Variants in KLHL35 observed in about 807,000 individuals in gnomAD.
KLHL35 encodes kelch like family member 35.
In KLHL35, 50 loss-of-function variants were observed where a neutral mutation model predicts 44.0. That is an observed-to-expected ratio of 1.14 (90% CI 0.91 to 1.44). The LOEUF (loss-of-function observed/expected upper bound fraction) is 1.44. Ranked by LOEUF, KLHL35 falls within the 40% of genes most tolerant of loss-of-function variation. The pLI, the probability that KLHL35 is intolerant of heterozygous loss-of-function variation, is 0.00. For missense variants in KLHL35, 1,049 were observed against 887.8 expected (o/e 1.18, Z -2.31); for synonymous variants, 470 against 410.4 (o/e 1.15, Z -1.76).
chr11:75,422,764 C>A lies in KLHL35; in HGVS notation c.1568G>T (p.Ser523Ile). Residue 523 changes from serine to isoleucine, a missense_variant, in exon 7 of 7, where the codon AGC becomes ATC. Physicochemically the swap from Ser to Ile is moderately radical, Grantham distance 142. Transcript: ENST00000539798. ...EAAVLPSPVE[S>I]CGVTVCDGKV... is the part of the protein sequence containing the mutation. Reference sequence around the variant, plus strand: ...CCCGTCACACACAGTGACTCCACAGCTTTCCTGGGTGGACAAACAGAAAGA... The same window carrying A: ...CCCGTCACACACAGTGACTCCACAGATTTCCTGGGTGGACAAACAGAAAGA... The A allele has an allele frequency of 6.2e-7, 1 of 1,609,782 alleles. No homozygotes were observed. The highest frequency in any genetic ancestry group is 1.1e-5 in the South Asian group (1 of 91,042).
chr11:75,425,712 A>C, intron 4 of KLHL35, 131 bp from the exon 5 acceptor site: 2 of 826,852 alleles, frequency 2.4e-6, no homozygotes, highest in South Asian at 2.7e-5. Flanking sequence ...GACCAAACTG[A>C]CCCCCGAGCC....
At position 75,430,310 on chromosome 11, in the gene KLHL35, A is replaced by G. The variant is rs2135085132; in HGVS notation, c.320T>C (p.Leu107Pro). The G allele has an allele frequency of 1.6e-6, 2 of 1,249,172 alleles. No homozygotes were observed. Among genetic ancestry groups the G allele is most frequent in the Non-Finnish European group, 1.0e-6 (1 of 997,920 alleles). The allele number at this position is 1,249,172 out of a possible 1,614,324, so 77.4% of individuals were successfully genotyped here. The change falls in exon 2 of 7, where the codon CTC becomes CCC. Residue 107 changes from leucine (L) to proline (P), a missense_variant. Transcript: ENST00000539798. Reference sequence around the variant, plus strand: ...CACGCCCGCTCCGTACACGTAGTCGAGCACCACGGCCAGCGCCGCCGCCGC... The same window carrying G: ...CACGCCCGCTCCGTACACGTAGTCGGGCACCACGGCCAGCGCCGCCGCCGC... ...AGAAAALAVV[L>P]DYVYGAGVRL...
chr11:75,430,527 G>T lies in KLHL35; in HGVS notation c.103C>A (p.Arg35=), dbSNP rs769642270. ...ACGTCGGTGAGGGTGCCGCTCCGCC[G>T]GTAGGCGTTCAGGGCCTGCAGCACG... The part of the protein sequence containing the change: ...QRVLQALNAY[R]RSGTLTDVVL... The change falls in exon 2 of 7, where the codon CGG becomes AGG. Residue 35 remains arginine (R), a synonymous_variant. Coordinates refer to ENST00000539798, the MANE Select transcript of KLHL35 (RefSeq NM_001039548.3). 1.4e-6 allele frequency: 2 copies of T among 1,450,572 alleles called. No homozygotes were observed. Among genetic ancestry groups the T allele is most frequent in the African/African-American group, 1.5e-5 (1 of 67,558 alleles). The allele number at this position is 1,450,572 out of a possible 1,614,324, so 89.9% of individuals were successfully genotyped here.
At chr11:75,430,903 C>T (rs1347634927) in intron 1 of KLHL35, among the ~76,000 whole-genome samples, 1 of 152,178 alleles carries the variant, frequency 6.6e-6, no homozygotes, top group East Asian at 1.9e-4. Context: ...ACAGATGGCA[C>T]GCTCTCAAAC....
At position 75,430,315 on chromosome 11, in the gene KLHL35, C is replaced by G; in HGVS notation, c.315G>C (p.Val105=). 1 of 1,255,390 alleles carries G rather than the reference C, an allele frequency of 8.0e-7. No homozygotes were observed. Among genetic ancestry groups the G allele is most frequent in the Non-Finnish European group, 1.0e-6 (1 of 1,000,752 alleles). 77.8% of individuals were successfully genotyped at this position (1,255,390 alleles called of 1,614,324 possible). Residue 105 remains valine, a synonymous_variant, in exon 2 of 7, where the codon GTG becomes GTC. Coordinates refer to ENST00000539798, the MANE Select transcript of KLHL35 (RefSeq NM_001039548.3). The stretch of plus-strand genomic sequence containing the variant: ...CCGCTCCGTACACGTAGTCGAGCAC[C>G]ACGGCCAGCGCCGCCGCCGCCCCGG... ...SPAGAAAALA[V]VLDYVYGAGV...
Position 75,429,765 on chromosome 11 carries a change from G to A in KLHL35, c.865C>T (p.Arg289Trp), listed in dbSNP as rs1041790813. Residue 289 changes from arginine to tryptophan, a missense_variant, in exon 2 of 7, where the codon CGG becomes TGG. Transcript: ENST00000539798. ...CGGCCCTACCTCCGCGGCCGGGTCC[G>A]CAGCGCACCGGCCTCGCGGCCCAGG... is the stretch of plus-strand genomic sequence containing the variant. ...FILGREAGAL[R>W]TRPRRFMDLA... is the part of the protein sequence containing the mutation. 3.4e-6 allele frequency: 5 copies of A among 1,485,716 alleles called. No homozygotes were observed. The African/African-American group carries it at 5.8e-5, about 17-fold the overall frequency. The allele number at this position is 1,485,716 out of a possible 1,614,324, so 92.0% of individuals were successfully genotyped here. A position where few individuals can be genotyped will look rare whatever the true frequency, so the allele number is the denominator to read the frequency against.
intron 6 of KLHL35, 28 bp from the exon 7 acceptor site, chr11:75,422,796 T>C (rs756131516): frequency 1.9e-6 from 3 of 1,601,372 alleles, no homozygotes; most frequent in Non-Finnish European, 2.6e-6. Flanking sequence ...AAGACAACTA[T>C]CAGGTCCAGC....
chr11:75,430,115 TC>T lies in KLHL35; in HGVS notation c.514del (p.Glu172SerfsTer127), dbSNP rs1948522086. On this transcript the variant is annotated frameshift_variant, in exon 2 of 7. Transcript: ENST00000539798. LOFTEE classifies it high-confidence loss of function. ...AAAFSLAPLA[E>X]RCGRVLRQAF... is the part of the protein sequence containing the mutation. ...CTGACGCAGGACGCGGCCGCAGCGC[TC>T]GGCCAGCGGGGCCAGCGAGAAGGCG... 7.8e-7 allele frequency: 1 copy of T among 1,282,086 alleles called. No individual in the cohort carries two copies. The highest frequency in any genetic ancestry group is 9.8e-7 in the Non-Finnish European group (1 of 1,018,734). The allele number at this position is 1,282,086 out of a possible 1,614,324, so 79.4% of individuals were successfully genotyped here. A position where few individuals can be genotyped will look rare whatever the true frequency, so the allele number is the denominator to read the frequency against.
Position 75,429,916 on chromosome 11 carries a change from C to T in KLHL35, c.714G>A (p.Leu238=). The change falls in exon 2 of 7, where the codon CTG becomes CTA. Residue 238 remains leucine (L), a synonymous_variant. Transcript: ENST00000539798. The stretch of plus-strand genomic sequence containing the variant: ...GTAGCGGCAGGCGCACGTGCTCCAG[C>T]AGGCGTCGCAGCTGGCCGCGGCGGG... ...APARRGQLRR[L]LEHVRLPLLA... The T allele has an allele frequency of 6.7e-7, 1 of 1,488,020 alleles. No homozygotes were observed. The highest frequency in any genetic ancestry group is 1.3e-5 in the South Asian group (1 of 78,866). 92.2% of individuals were successfully genotyped at this position (1,488,020 alleles called of 1,614,324 possible). A position where few individuals can be genotyped will look rare whatever the true frequency, so the allele number is the denominator to read the frequency against.
chr11:75,430,073 G>A lies in KLHL35; in HGVS notation c.557C>T (p.Ala186Val). ...RVLRQAFAEV[A>V]RHADFLELAP... ...CAGCTCCAGGAAGTCGGCGTGGCGC[G>A]CCACCTCGGCGAAGGCCTGACGCAG... The change falls in exon 2 of 7, where the codon GCG becomes GTG. Residue 186 changes from alanine to valine, a missense_variant. Ala to Val is a moderately conservative substitution (Grantham distance 64). Transcript: ENST00000539798. 2.9e-6 allele frequency: 4 copies of A among 1,389,094 alleles called. No homozygotes were observed. The highest frequency in any genetic ancestry group is 1.5e-5 in the South Asian group (1 of 65,618). The allele number at this position is 1,389,094 out of a possible 1,614,324, so 86.0% of individuals were successfully genotyped here.
chr11:75,428,692 G>A, intron 2 of KLHL35, 66 bp from the exon 3 acceptor site: 1 of 1,372,196 alleles, frequency 7.3e-7, no homozygotes, highest in East Asian at 2.3e-5. Flanking sequence ...TTACCCTCTC[G>A]ACCACACTGC....
chr11:75,430,524 G>A lies in KLHL35; in HGVS notation c.106C>T (p.Arg36Trp), dbSNP rs781459686. The A allele has an allele frequency of 9.7e-6, 14 of 1,449,810 alleles. No individual in the cohort carries two copies. The highest frequency in any genetic ancestry group is 1.3e-5 in the Non-Finnish European group (14 of 1,106,038). The allele number at this position is 1,449,810 out of a possible 1,614,324, so 89.8% of individuals were successfully genotyped here. Residue 36 changes from arginine to tryptophan, a missense_variant, in exon 2 of 7, where the codon CGG becomes TGG. Physicochemically the swap from Arg to Trp is moderately radical, Grantham distance 101. Coordinates refer to ENST00000539798, the MANE Select transcript of KLHL35 (RefSeq NM_001039548.3). Reference sequence around the variant, plus strand: ...ACCACGTCGGTGAGGGTGCCGCTCCGCCGGTAGGCGTTCAGGGCCTGCAGC... The same window carrying A: ...ACCACGTCGGTGAGGGTGCCGCTCCACCGGTAGGCGTTCAGGGCCTGCAGC... ...RVLQALNAYR[R>W]SGTLTDVVLR...
chr11:75,430,086 A>G lies in KLHL35; in HGVS notation c.544T>C (p.Phe182Leu). ...TCGGCGTGGCGCGCCACCTCGGCGA[A>G]GGCCTGACGCAGGACGCGGCCGCAG... ...ERCGRVLRQAFAEVARHADFL... is the reference protein window; with the variant it reads ...ERCGRVLRQALAEVARHADFL... Residue 182 changes from phenylalanine to leucine, a missense_variant, in exon 2 of 7, where the codon TTC becomes CTC. Physicochemically the swap from Phe to Leu is conservative, Grantham distance 22 (BLOSUM62 0). Coordinates refer to ENST00000539798, the MANE Select transcript of KLHL35 (RefSeq NM_001039548.3). 1 of 1,373,744 alleles carries G rather than the reference A, an allele frequency of 7.3e-7. No homozygotes were observed. Among genetic ancestry groups the G allele is most frequent in the Non-Finnish European group, 9.4e-7 (1 of 1,065,900 alleles). 85.1% of individuals were successfully genotyped at this position (1,373,744 alleles called of 1,614,324 possible). A position where few individuals can be genotyped will look rare whatever the true frequency, so the allele number is the denominator to read the frequency against.
chr11:75,423,206 C>G, intron 6 of KLHL35: 1 of 206,902 alleles, frequency 4.8e-6, no homozygotes, highest in South Asian at 9.8e-5. Context: ...CAGAGACCTC[C>G]AGTCCAACCA....
In KLHL35 at chr11:75,430,175, G is replaced by C. The variant is rs1948523590; in HGVS notation, c.455C>G (p.Ala152Gly). 4 of 1,232,486 alleles carry C rather than the reference G, an allele frequency of 3.2e-6. No homozygotes were observed. The highest frequency in any genetic ancestry group is 3.0e-6 in the Non-Finnish European group (3 of 987,580). The allele number at this position is 1,232,486 out of a possible 1,614,324, so 76.3% of individuals were successfully genotyped here. The stretch of plus-strand genomic sequence containing the variant: ...GCGGCGCAGCGCTAGGCTGTTGGCG[G>C]CGCGCAGGCGGCCCTCGAGAAAGCG... ...CVRFLEGRLR[A>G]ANSLALRRVA... is the part of the protein sequence containing the mutation. Residue 152 changes from alanine (A) to glycine (G), a missense_variant, in exon 2 of 7, where the codon GCC becomes GGC. Physicochemically the swap from Ala to Gly is moderately conservative, Grantham distance 60 (BLOSUM62 0). Coordinates refer to ENST00000539798, the MANE Select transcript of KLHL35 (RefSeq NM_001039548.3).
At chr11:75,432,166 G>A (rs1174796166) in intron 1 of KLHL35, among the ~76,000 whole-genome samples, 2 of 152,058 alleles carry the variant, frequency 1.3e-5, no homozygotes, top group African/African-American at 4.8e-5. Context: ...ACTCTAGGGG[G>A]CTCAGGTCCA....
In KLHL35 at chr11:75,426,554, C is replaced by A; in HGVS notation, c.1151G>T (p.Arg384Met). 1 of 1,604,410 alleles carries A rather than the reference C, an allele frequency of 6.2e-7. No homozygotes were observed. Among genetic ancestry groups the A allele is most frequent in the East Asian group, 2.2e-5 (1 of 44,686 alleles). Residue 384 changes from arginine to methionine, a missense_variant, in exon 4 of 7, where the codon AGG becomes ATG. Physicochemically the swap from Arg to Met is moderately conservative, Grantham distance 91 (BLOSUM62 -1). Transcript: ENST00000539798. The part of the protein sequence containing the change: ...WIKVASLHKG[R>M]WRHKMAVVQG... ...CACAACTGCCATCTTGTGCCTCCAC[C>A]TGCCCTTGTGCAGAGAGGCTACCTT...
chr11:75,425,246 C>A, intron 5 of KLHL35, 147 bp downstream of exon 5: 1 of 884,268 alleles, frequency 1.1e-6, no homozygotes, highest in Non-Finnish European at 1.6e-6. Flanking sequence ...TCATTTCCTT[C>A]CCTGAAACAT....
chr11:75,423,926 A>G (rs893002761), intron 5 of KLHL35, 46 bp from the exon 6 acceptor site: 19 of 1,417,034 alleles, frequency 1.3e-5, no homozygotes, highest in Non-Finnish European at 1.8e-5. Context: ...GCCCCCCCCA[A>G]CAAATGCCCC....
Sources: gnomAD v4.1 joint callset for allele counts (sites outside exome capture counted in the v4.1 genomes callset) on GRCh38, gnomAD v4.1.1 for gene constraint, MANE v1.5 for transcripts, NCBI Gene and HGNC (gene_info 2026-07-23, HGNC 2026-07-21) for gene names.